The following LHFPL3 variants were observed in gnomAD, a reference collection of about 807,000 sequenced individuals.
LHFPL3 encodes the protein LHFPL tetraspan subfamily member 3.
LHFPL3 carries 5 observed loss-of-function variants against 19.3 expected under a neutral mutation model. The ratio of observed to expected loss-of-function variants is 0.26; its 90% CI spans 0.14 to 0.54. The LOEUF is 0.54. LHFPL3 is among the 20% of genes least tolerant of loss of function. The pLI, the probability that LHFPL3 is intolerant of heterozygous loss-of-function variation, is 0.94. For missense variants in LHFPL3, 249 were observed against 307.4 expected (o/e 0.81, Z 1.42); for synonymous variants, 133 against 126.2 (o/e 1.05, Z -0.36).
Position 104,497,873 on chromosome 7 carries a change from G to A in LHFPL3, c.445+168649G>A, listed in dbSNP as rs112380909. ...TTGTAATCACAGAGCCCTGACACCTGAGTCACAAGGTCCTAACCTTTTGTA... is the reference window on the plus strand; with the variant it reads ...TTGTAATCACAGAGCCCTGACACCTAAGTCACAAGGTCCTAACCTTTTGTA... On this transcript the variant is annotated intron_variant, in intron 1 of 2. Transcript: ENST00000424859. 5.1e-3 allele frequency among the ~76,000 whole-genome samples: 774 copies of A among 152,272 alleles called. 11 individuals are homozygous for A. The highest frequency in any genetic ancestry group is 0.018 in the African/African-American group (742 of 41,560).
intron 1 of LHFPL3, among the ~76,000 whole-genome samples, chr7:104,587,565 T>C (rs1468580661): frequency 6.6e-6 from 1 of 152,240 alleles, no homozygotes; most frequent in Non-Finnish European, 1.5e-5. Context: ...TTATGAATAG[T>C]GCCACAATAA....
intron 1 of LHFPL3, among the ~76,000 whole-genome samples, chr7:104,471,988 G>A (rs1010218954): frequency 7.9e-5 from 12 of 151,950 alleles, no homozygotes; most frequent in African/African-American, 2.9e-4. Context: ...GATCAGCCTG[G>A]GCAACATAAT....
chr7:104,371,294 C>T (rs1457107538), intron 1 of LHFPL3, among the ~76,000 whole-genome samples: 1 of 152,154 alleles, frequency 6.6e-6, no homozygotes, highest in Non-Finnish European at 1.5e-5. Flanking sequence ...CCACTTCTTA[C>T]AACATCAAAA....
At chr7:104,796,357 CT>C in intron 2 of LHFPL3, 2 of 152,262 alleles carry the variant, frequency 1.3e-5, no homozygotes, top group Non-Finnish European at 2.9e-5. Flanking sequence ...AACTGGCATC[CT>C]TTTTGGCATT....
At chr7:104,383,329 C>T (rs1243464234) in intron 1 of LHFPL3, among the ~76,000 whole-genome samples, 2 of 152,198 alleles carry the variant, frequency 1.3e-5, no homozygotes, top group African/African-American at 2.4e-5. Context: ...CCGTCAGTGC[C>T]TCTCACAAAT....
chr7:104,339,074 C>G (rs1789895342), intron 1 of LHFPL3, among the ~76,000 whole-genome samples: 1 of 152,014 alleles, frequency 6.6e-6, no homozygotes, highest in African/African-American at 2.4e-5. Flanking sequence ...ATGGTGAAAC[C>G]CCGTCTCTAC....
intron 1 of LHFPL3, among the ~76,000 whole-genome samples, chr7:104,585,529 G>T (rs1185944661): frequency 1.6e-5 from 1 of 63,988 alleles, no homozygotes; most frequent in African/African-American, 5.0e-5. Flanking sequence ...ACACGGCCTT[G>T]TCCCTGATAA....
At chr7:104,879,082 T>G (rs1791999959) in intron 2 of LHFPL3, among the ~76,000 whole-genome samples, 1 of 152,148 alleles carries the variant, frequency 6.6e-6, no homozygotes. Context: ...AGAGGTCAGT[T>G]CATGAAGCTT....
intron 1 of LHFPL3, among the ~76,000 whole-genome samples, chr7:104,439,001 A>G (rs948297272): frequency 6.6e-6 from 1 of 152,182 alleles, no homozygotes; most frequent in Non-Finnish European, 1.5e-5. Flanking sequence ...GAAATTGACA[A>G]TTTTTTGAAA....
At chr7:104,656,097 TAAAC>T (rs1351536623) in intron 1 of LHFPL3, among the ~76,000 whole-genome samples, 1 of 152,184 alleles carries the variant, frequency 6.6e-6, no homozygotes, top group Non-Finnish European at 1.5e-5. Context: ...CTAAATAAAA[TAAAC>T]AATATTACTG....
chr7:104,811,005 G>A (rs1381244237), intron 2 of LHFPL3, among the ~76,000 whole-genome samples: 2 of 152,176 alleles, frequency 1.3e-5, no homozygotes, highest in African/African-American at 2.4e-5. Context: ...CTCTTATCAG[G>A]TGGTCCAGGA....
At chr7:104,802,207 A>G (rs1014337494) in intron 2 of LHFPL3, among the ~76,000 whole-genome samples, 2 of 152,092 alleles carry the variant, frequency 1.3e-5, no homozygotes, top group Non-Finnish European at 2.9e-5. Context: ...CTTATAAAAG[A>G]TGTTGGGCCA....
Position 104,595,473 on chromosome 7 carries a change from C to A in LHFPL3, c.446-141202C>A, listed in dbSNP as rs118017074. 3.7e-4 allele frequency among the ~76,000 whole-genome samples: 57 copies of A among 152,332 alleles called. No homozygotes were observed. In the East Asian group the frequency reaches 0.011, roughly 28 times the overall value. On this transcript the variant is annotated intron_variant, in intron 1 of 2. Coordinates refer to ENST00000424859, the MANE Select transcript of LHFPL3 (RefSeq NM_199000.3). ...GCAGCTGCCTATATGAGATGTCTGT[C>A]GGCCCCTACTTTGACATGTCTCCCA...
chr7:104,406,478 A>G (rs888622648), intron 1 of LHFPL3, among the ~76,000 whole-genome samples: 5 of 152,194 alleles, frequency 3.3e-5, no homozygotes, highest in African/African-American at 1.2e-4. Flanking sequence ...CCTCAAAACT[A>G]CCTGAAAATG....
intron 1 of LHFPL3, among the ~76,000 whole-genome samples, chr7:104,595,845 C>T (rs1790840525): frequency 6.6e-6 from 1 of 152,248 alleles, no homozygotes; most frequent in South Asian, 2.1e-4. Context: ...AGCAAGGCTC[C>T]ATGGGCATGG....
intron 2 of LHFPL3, among the ~76,000 whole-genome samples, chr7:104,855,676 T>G (rs946114102): frequency 6.6e-6 from 1 of 151,442 alleles, no homozygotes; most frequent in Non-Finnish European, 1.5e-5. Context: ...CAGTCTGGAG[T>G]GCAGTGGCAC....
intron 2 of LHFPL3, among the ~76,000 whole-genome samples, chr7:104,806,236 TTC>T (rs1226881730): frequency 3.9e-5 from 6 of 152,256 alleles, no homozygotes. Context: ...GCATAATGCT[TTC>T]ATTCATACTT....
chr7:104,889,267 C>G (rs987661170), intron 2 of LHFPL3, among the ~76,000 whole-genome samples: 3 of 152,076 alleles, frequency 2.0e-5, no homozygotes, highest in Non-Finnish European at 4.4e-5. Context: ...GGAGTAAGAC[C>G]GGGTATGAGA....
intron 1 of LHFPL3, among the ~76,000 whole-genome samples, chr7:104,349,890 A>G (rs896073958): frequency 6.6e-6 from 1 of 152,150 alleles, no homozygotes; most frequent in East Asian, 1.9e-4. Context: ...GATTGGTATC[A>G]TTGTCATATT....
Sources: gnomAD v4.1 joint callset for allele counts (sites outside exome capture counted in the v4.1 genomes callset) on GRCh38, gnomAD v4.1.1 for gene constraint, MANE v1.5 for transcripts, NCBI Gene and HGNC (gene_info 2026-07-23, HGNC 2026-07-21) for gene names.